Variants in XRN2 observed in about 807,000 individuals in gnomAD.
The protein encoded by XRN2 is 5'-3' exoribonuclease 2.
XRN2 carries 44 observed loss-of-function variants against 138.5 expected under a neutral mutation model. The observed-to-expected ratio is 0.32, with a 90% CI of 0.25 to 0.41. XRN2 has a LOEUF of 0.41. XRN2 is among the 10% of genes least tolerant of loss of function. The pLI, the probability that XRN2 is intolerant of heterozygous loss-of-function variation, is 1.00. For missense variants in XRN2, 937 were observed against 1,169.3 expected (o/e 0.80, Z 2.90); for synonymous variants, 354 against 369.4 (o/e 0.96, Z 0.48).
chr20:21,329,856 G>GGTGTGT lies in XRN2; in HGVS notation c.428-588_428-583dup, dbSNP rs60020864. On this transcript the variant is annotated intron_variant, in intron 4 of 29. Coordinates refer to ENST00000377191, the MANE Select transcript of XRN2 (RefSeq NM_012255.5). Reference sequence around the variant, plus strand: ...TTATCAAAAAATATGGCCTCTAACTGGTGTGTGTGTGTGTGTGTGTGTGTG... The same window carrying GGTGTGT: ...TTATCAAAAAATATGGCCTCTAACTGGTGTGTGTGTGTGTGTGTGTGTGTGTGTGTG... Among the ~76,000 whole-genome samples the GGTGTGT allele has an allele frequency of 5.6e-3, 820 of 146,002 alleles. 5 individuals carry two copies. Among genetic ancestry groups the GGTGTGT allele is most frequent in the African/African-American group, 0.011 (439 of 39,494 alleles).
At chr20:21,338,946 T>G (rs981321238) in intron 13 of XRN2, 98 bp from the exon 14 acceptor site, 7 of 1,223,560 alleles carry the variant, frequency 5.7e-6, no homozygotes, top group Non-Finnish European at 8.3e-6. Flanking sequence ...GGGTCGTCCT[T>G]TAAAACTTAA....
chr20:21,347,807 C>A (rs1458869232), intron 17 of XRN2, among the ~76,000 whole-genome samples: 1 of 152,190 alleles, frequency 6.6e-6, no homozygotes, highest in Non-Finnish European at 1.5e-5. Flanking sequence ...TTGATGATGA[C>A]AGCTCTAGAG....
At chr20:21,339,677 A>G (rs1181902374) in intron 14 of XRN2, among the ~76,000 whole-genome samples, 2 of 152,224 alleles carry the variant, frequency 1.3e-5, no homozygotes, top group Admixed American at 6.5e-5. Context: ...GCTCACTGAC[A>G]TCATACCTTT....
Position 21,346,493 on chromosome 20 carries a change from G to C in XRN2, c.1608G>C (p.Arg536=). Residue 536 remains arginine, a synonymous_variant, in exon 17 of 30, where the codon CGG becomes CGC. Coordinates refer to ENST00000377191, the MANE Select transcript of XRN2 (RefSeq NM_012255.5). Reference sequence around the variant, plus strand: ...ATGCAGCTGATGAGAAATTCCGTCGGAAAGTTGTGCAGTCGTACGTTGAAG... The same window carrying C: ...ATGCAGCTGATGAGAAATTCCGTCGCAAAGTTGTGCAGTCGTACGTTGAAG... ...DVDAADEKFR[R]KVVQSYVEGL... The C allele has an allele frequency of 6.2e-7, 1 of 1,614,180 alleles. No individual in the cohort carries two copies. The highest frequency in any genetic ancestry group is 8.5e-7 in the Non-Finnish European group (1 of 1,180,008).
intron 27 of XRN2, among the ~76,000 whole-genome samples, chr20:21,377,525 TG>T (rs1305176327): frequency 1.3e-5 from 2 of 151,112 alleles, no homozygotes; most frequent in African/African-American, 4.9e-5. Flanking sequence ...CCCAAAGTGT[TG>T]GGATTACAGG....
At chr20:21,325,849 A>G (rs1046454861) in intron 1 of XRN2, among the ~76,000 whole-genome samples, 2 of 152,222 alleles carry the variant, frequency 1.3e-5, no homozygotes, top group Admixed American at 1.3e-4. Context: ...GGTAGACTAG[A>G]TGAAGGTTGT....
In XRN2 at chr20:21,305,952, G is replaced by T. The variant is rs188878422; in HGVS notation, c.75+2479G>T. Among the ~76,000 whole-genome samples the T allele has an allele frequency of 1.8e-3, 126 of 68,812 alleles. 52 individuals carry two copies. The South Asian group carries it at 0.02, about 11-fold the overall frequency. The allele number at this position is 68,812 out of a possible 152,430, so 45.1% of individuals were successfully genotyped here. A position where few individuals can be genotyped will look rare whatever the true frequency, so the allele number is the denominator to read the frequency against. On this transcript the variant is annotated intron_variant, in intron 1 of 29. Coordinates refer to ENST00000377191, the MANE Select transcript of XRN2 (RefSeq NM_012255.5). ...CTTTTAGTAGAGACGGGGTTTCACCGTGTTAGCCAGGATGGTCTCGATCTC... is the reference window on the plus strand; with the variant it reads ...CTTTTAGTAGAGACGGGGTTTCACCTTGTTAGCCAGGATGGTCTCGATCTC...
intron 1 of XRN2, among the ~76,000 whole-genome samples, chr20:21,304,153 G>A (rs995414371): frequency 6.6e-6 from 1 of 152,136 alleles, no homozygotes; most frequent in African/African-American, 2.4e-5. Flanking sequence ...TACAATTTTT[G>A]TTGTTAGTTA....
At chr20:21,388,365 ATTC>A (rs2038956503) in intron 29 of XRN2, among the ~76,000 whole-genome samples, 1 of 152,198 alleles carries the variant, frequency 6.6e-6, no homozygotes, top group Non-Finnish European at 1.5e-5. Context: ...TAAATTTATT[ATTC>A]TTTTAGGACT....
In XRN2 at chr20:21,333,770, G is replaced by C; in HGVS notation, c.1000G>C (p.Asp334His). The part of the protein sequence containing the change: ...FTFDVERSID[D>H]WVFMCFFVGN... ...ATTTGATGTTGAGAGGAGCATTGAT[G>C]ACTGGGTTTTCATGTGCTTCTTTGT... The change falls in exon 11 of 30, where the codon GAC becomes CAC. Residue 334 changes from aspartate to histidine, a missense_variant. This residue lies in a region of XRN2 where 471 missense variants were observed against 581.2 expected (regional missense o/e 0.81). Coordinates refer to ENST00000377191, the MANE Select transcript of XRN2 (RefSeq NM_012255.5). 1 of 1,614,142 alleles carries C rather than the reference G, an allele frequency of 6.2e-7. No individual in the cohort carries two copies. The highest frequency in any genetic ancestry group is 8.5e-7 in the Non-Finnish European group (1 of 1,180,010).
At chr20:21,355,234 C>T (rs1025134851) in intron 21 of XRN2, among the ~76,000 whole-genome samples, 6 of 152,172 alleles carry the variant, frequency 3.9e-5, no homozygotes, top group Non-Finnish European at 5.9e-5. Context: ...CTCCTCCTTT[C>T]TCCCCAGTAA....
Position 21,307,285 on chromosome 20 carries a change from G to A in XRN2, c.75+3812G>A, listed in dbSNP as rs1464314362. Among the ~76,000 whole-genome samples, 3 of 76,710 alleles carry A rather than the reference G, an allele frequency of 3.9e-5. 1 individual carries two copies. Among genetic ancestry groups the A allele is most frequent in the Non-Finnish European group, 6.1e-5 (2 of 32,604 alleles). 50.3% of individuals were successfully genotyped at this position (76,710 alleles called of 152,430 possible). A position where few individuals can be genotyped will look rare whatever the true frequency, so the allele number is the denominator to read the frequency against. ...AATTCAGATTCATTTTGATCAGTAC[G>A]TGGCTCACTCTTTGAGTCTGGAGTC... is the stretch of plus-strand genomic sequence containing the variant. On this transcript the variant is annotated intron_variant, in intron 1 of 29. Transcript: ENST00000377191.
At chr20:21,309,862 T>C (rs1007820614) in intron 1 of XRN2, among the ~76,000 whole-genome samples, 1 of 152,216 alleles carries the variant, frequency 6.6e-6, no homozygotes, top group Non-Finnish European at 1.5e-5. Flanking sequence ...TTTCTTTGTT[T>C]TGTCCCATTA....
chr20:21,375,208 A>G (rs6047407), intron 27 of XRN2, among the ~76,000 whole-genome samples: 100,421 of 149,346 alleles, frequency 0.67, 34,541 homozygotes, highest in South Asian at 0.84. Flanking sequence ...TTGAGAACCT[A>G]TTTAATTTTA....
At position 21,359,636 on chromosome 20, in the gene XRN2, T is replaced by C. The variant is rs528251936; in HGVS notation, c.2255+1844T>C. Reference sequence around the variant, plus strand: ...TAAATTAGGTTAATTTGCTGAAGATTTGTGGGAGACCAAAGTTAACTTTTC... The same window carrying C: ...TAAATTAGGTTAATTTGCTGAAGATCTGTGGGAGACCAAAGTTAACTTTTC... On this transcript the variant is annotated intron_variant, in intron 24 of 29. Coordinates refer to ENST00000377191, the MANE Select transcript of XRN2 (RefSeq NM_012255.5). 2.0e-5 allele frequency among the ~76,000 whole-genome samples: 3 copies of C among 152,278 alleles called. No individual in the cohort carries two copies. In the South Asian group the frequency reaches 6.2e-4, roughly 32 times the overall value.
At chr20:21,343,797 A>T (rs1237758615) in intron 15 of XRN2, among the ~76,000 whole-genome samples, 1 of 151,976 alleles carries the variant, frequency 6.6e-6, no homozygotes, top group Non-Finnish European at 1.5e-5. Context: ...TATAATTTTT[A>T]AAAATCTATA....
chr20:21,382,194 C>A, intron 28 of XRN2, 137 bp downstream of exon 28: 1 of 554,828 alleles, frequency 1.8e-6, no homozygotes, highest in Non-Finnish European at 3.0e-6. Flanking sequence ...TTGTGCCTAT[C>A]CTTTAAGAAA....
At position 21,354,794 on chromosome 20, in the gene XRN2, G is replaced by C. The variant is rs760633185; in HGVS notation, c.1942G>C (p.Ala648Pro). ...ATTTGCACTTGTTTTTTCAGGTGTT[G>C]CTCTCTTGCCATTCGTGGATGAGCG... ...NGKKYAWQGV[A>P]LLPFVDERRL... Residue 648 changes from alanine to proline, a missense_variant, in exon 21 of 30, where the codon GCT becomes CCT. Coordinates refer to ENST00000377191, the MANE Select transcript of XRN2 (RefSeq NM_012255.5). 2 of 1,613,710 alleles carry C rather than the reference G, an allele frequency of 1.2e-6. No homozygotes were observed. Among genetic ancestry groups the C allele is most frequent in the Admixed American group, 3.3e-5 (2 of 59,982 alleles).
chr20:21,310,059 T>G (rs2122159951), intron 1 of XRN2, among the ~76,000 whole-genome samples: 1 of 152,368 alleles, frequency 6.6e-6, no homozygotes, highest in Middle Eastern at 3.4e-3. Flanking sequence ...TTGAGACATT[T>G]CTTCCTCTCT....
Sources: allele counts gnomAD v4.1 joint callset (sites outside exome capture counted in the v4.1 genomes callset), GRCh38; gene constraint gnomAD v4.1.1; regional missense constraint gnomAD v4.1.1; transcripts MANE v1.5; gene names NCBI Gene and HGNC (gene_info 2026-07-23, HGNC 2026-07-21).